The following ZSWIM5 variants were observed in gnomAD, a reference collection of about 807,000 sequenced individuals.
The protein encoded by ZSWIM5 is zinc finger SWIM domain-containing protein 5.
Under a neutral mutation model 119.6 loss-of-function variants are expected in ZSWIM5, and 55 were observed. The ratio of observed to expected loss-of-function variants is 0.46; its 90% CI spans 0.37 to 0.58. The LOEUF (loss-of-function observed/expected upper bound fraction) is 0.58. Among genes scored for constraint, ZSWIM5 ranks in the 20% least tolerant of loss-of-function variants. The probability of loss-of-function intolerance (pLI) is 0.00; values close to 1 mark genes in which losing one functional copy is unlikely to be tolerated. For missense variants in ZSWIM5, 1,193 were observed against 1,512.8 expected, an observed-to-expected ratio of 0.79 and a Z score of 3.51; for synonymous variants, 537 against 606.9, an observed-to-expected ratio of 0.88 and a Z score of 1.69.
intron 1 of ZSWIM5, among the ~76,000 whole-genome samples, chr1:45,189,294 A>C (rs997474325): frequency 6.6e-6 from 1 of 152,016 alleles, no homozygotes; most frequent in African/African-American, 2.4e-5. Flanking sequence ...TAGCCTGGTC[A>C]ACAGACAGAG....
chr1:45,115,110 C>A (rs1645543326), intron 1 of ZSWIM5, among the ~76,000 whole-genome samples: 1 of 152,244 alleles, frequency 6.6e-6, no homozygotes, highest in Non-Finnish European at 1.5e-5. Context: ...CTTTTCTATT[C>A]AACAAAACCG....
chr1:45,094,929 A>C (rs997451153), intron 1 of ZSWIM5, among the ~76,000 whole-genome samples: 1 of 151,954 alleles, frequency 6.6e-6, no homozygotes, highest in African/African-American at 2.4e-5. Flanking sequence ...ACTTAACTTC[A>C]ACAATTATCA....
At chr1:45,079,649 TC>T (rs1645277584) in intron 2 of ZSWIM5, among the ~76,000 whole-genome samples, 1 of 152,046 alleles carries the variant, frequency 6.6e-6, no homozygotes, top group African/African-American at 2.4e-5. Context: ...CAAGACAAAG[TC>T]CCCTTTGCTT....
chr1:45,034,350 T>A lies in ZSWIM5; in HGVS notation c.2411A>T (p.Gln804Leu). 1.2e-6 allele frequency: 2 copies of A among 1,613,502 alleles called. No individual in the cohort carries two copies. The highest frequency in any genetic ancestry group is 1.7e-6 in the Non-Finnish European group (2 of 1,179,716). Reference protein sequence around the residue: ...WFTLGHLESQQCELASTMLTA... With the variant: ...WFTLGHLESQLCELASTMLTA... ...CAGCATGGTGGAGGCCAGTTCACAC[T>A]GCTGTGATTCCAAGTGTCCAAGCGT... The change falls in exon 11 of 14, where the codon CAG (glutamine) becomes CTG (leucine). Residue 804 changes from glutamine to leucine, a missense_variant. Gln to Leu is a moderately radical substitution (Grantham distance 113, BLOSUM62 -2). This residue lies in a region of ZSWIM5 where 961 missense variants were observed against 1,290.0 expected (regional missense o/e 0.74). Coordinates refer to ENST00000359600, the MANE Select transcript of ZSWIM5 (RefSeq NM_020883.2).
In ZSWIM5 at chr1:45,206,159, G is replaced by C; in HGVS notation, c.192C>G (p.Ser64=). ...CCGTCTTGGCGGCGCAGTCCAGTAA[G>C]GAATCCGGCTGCAGGTGGGGGCGGG... ...LGARPHLQPD[S]LLDCAAKTVA... is the part of the protein sequence containing the mutation. Residue 64 remains serine, a synonymous_variant, in exon 1 of 14, where the codon TCC becomes TCG. Coordinates refer to ENST00000359600, the MANE Select transcript of ZSWIM5 (RefSeq NM_020883.2). 1.2e-6 allele frequency: 2 copies of C among 1,609,210 alleles called. No individual in the cohort carries two copies. The highest frequency in any genetic ancestry group is 8.5e-7 in the Non-Finnish European group (1 of 1,178,582).
At position 45,018,850 on chromosome 1, in the gene ZSWIM5, C is replaced by G; in HGVS notation, c.3162G>C (p.Lys1054Asn). The G allele has an allele frequency of 6.2e-7, 1 of 1,614,250 alleles. No individual in the cohort carries two copies. The highest frequency in any genetic ancestry group is 8.5e-7 in the Non-Finnish European group (1 of 1,180,040). Residue 1054 changes from lysine (K) to asparagine (N), a missense_variant, in exon 14 of 14, where the codon AAG (lysine) becomes AAC (asparagine). This residue lies in a region of ZSWIM5 where 961 missense variants were observed against 1,290.0 expected (regional missense o/e 0.74). Coordinates refer to ENST00000359600, the MANE Select transcript of ZSWIM5 (RefSeq NM_020883.2). This position sits in a 1 kb window ranked among gnomAD's most constrained non-coding sequence, Gnocchi z 6.7. ...GGGGGATGAGAGCTGCCAGCTCATT[C>G]TTGCCCAGAGAGTGGCTGAGAGCAC... ...WACALSHSLG[K>N]NELAALIPLV...
chr1:45,179,452 G>A (rs1646001309), intron 1 of ZSWIM5, among the ~76,000 whole-genome samples: 1 of 152,074 alleles, frequency 6.6e-6, no homozygotes, highest in South Asian at 2.1e-4. Context: ...ACATAGGGAA[G>A]GGAGAGGGTT....
intron 1 of ZSWIM5, among the ~76,000 whole-genome samples, chr1:45,154,561 T>A (rs536936506): frequency 6.6e-6 from 1 of 152,220 alleles, no homozygotes; most frequent in Non-Finnish European, 1.5e-5. Flanking sequence ...TGAAACTGGA[T>A]CCTCATCTCT....
intron 5 of ZSWIM5, among the ~76,000 whole-genome samples, chr1:45,044,723 C>CAA (rs869224710): frequency 9.1e-4 from 4 of 4,400 alleles, no homozygotes; most frequent in African/African-American, 1.3e-3. Flanking sequence ...GACTCCGTCT[C>CAA]AAAAAAAAAA....
chr1:45,094,078 A>T (rs1339671414), intron 1 of ZSWIM5, among the ~76,000 whole-genome samples: 2 of 147,586 alleles, frequency 1.4e-5, no homozygotes, highest in Non-Finnish European at 3.0e-5. Flanking sequence ...TATTTTTGAG[A>T]CGGAGTCTTA....
chr1:45,188,532 C>G (rs1319656948), intron 1 of ZSWIM5, among the ~76,000 whole-genome samples: 1 of 152,108 alleles, frequency 6.6e-6, no homozygotes, highest in Non-Finnish European at 1.5e-5. Flanking sequence ...GCAGCCCCTA[C>G]CTGTGAATAT....
intron 1 of ZSWIM5, among the ~76,000 whole-genome samples, chr1:45,156,152 C>T (rs1645825455): frequency 1.3e-5 from 2 of 152,044 alleles, no homozygotes; most frequent in African/African-American, 4.8e-5. Context: ...ATGGATGCAC[C>T]TGGAGACCAC....
At chr1:45,062,987 G>A (rs1263291759) in intron 2 of ZSWIM5, among the ~76,000 whole-genome samples, 1 of 151,976 alleles carries the variant, frequency 6.6e-6, no homozygotes, top group African/African-American at 2.4e-5. Flanking sequence ...CTCTCCTCTC[G>A]AGGAGTTCCC....
chr1:45,116,001 G>A (rs535243904), intron 1 of ZSWIM5, among the ~76,000 whole-genome samples: 3 of 152,260 alleles, frequency 2.0e-5, no homozygotes, highest in East Asian at 1.9e-4. Flanking sequence ...CCAGGCACTC[G>A]CAGGCTGAGG....
intron 1 of ZSWIM5, among the ~76,000 whole-genome samples, chr1:45,094,095 C>T (rs1229402149): frequency 4.7e-5 from 7 of 149,414 alleles, no homozygotes; most frequent in East Asian, 2.0e-4. Flanking sequence ...CTTACCCTGT[C>T]GCCAGGCTGG....
chr1:45,184,017 G>A (rs1367542974), intron 1 of ZSWIM5, among the ~76,000 whole-genome samples: 15 of 151,832 alleles, frequency 9.9e-5, no homozygotes, highest in Admixed American at 5.3e-4. Context: ...CTGGCAAACC[G>A]AATCCAGCAG....
intron 1 of ZSWIM5, 29 bp downstream of exon 1, chr1:45,205,727 G>A: frequency 1.3e-6 from 2 of 1,521,948 alleles, no homozygotes; most frequent in Non-Finnish European, 1.8e-6. Context: ...GGAGGCTGAG[G>A]ACCCGAGAAC....
At chr1:45,134,037 G>C (rs1165510978) in intron 1 of ZSWIM5, among the ~76,000 whole-genome samples, 1 of 152,150 alleles carries the variant, frequency 6.6e-6, no homozygotes, top group African/African-American at 2.4e-5. Flanking sequence ...TTTGAAGTCA[G>C]GTAGCATGAT....
At chr1:45,158,802 C>CA (rs1645846309) in intron 1 of ZSWIM5, among the ~76,000 whole-genome samples, 1 of 152,036 alleles carries the variant, frequency 6.6e-6, no homozygotes, top group Non-Finnish European at 1.5e-5. Context: ...CACAATAGTA[C>CA]AAATCATTAC....
Sources: allele counts gnomAD v4.1 joint callset (sites outside exome capture counted in the v4.1 genomes callset), GRCh38; gene constraint gnomAD v4.1.1; regional missense constraint gnomAD v4.1.1; non-coding constraint Gnocchi (gnomAD v3.1); transcripts MANE v1.5; gene names NCBI Gene and HGNC (gene_info 2026-07-23, HGNC 2026-07-21).